Variants in ANKS1A observed in about 807,000 individuals in gnomAD.
ANKS1A encodes ankyrin repeat and SAM domain-containing protein 1A.
ANKS1A carries 55 observed loss-of-function variants against 120.3 expected under a neutral mutation model. The ratio of observed to expected loss-of-function variants is 0.46; its 90% CI spans 0.37 to 0.57. ANKS1A has a LOEUF of 0.57. ANKS1A is among the 20% of genes least tolerant of loss of function. The pLI, the probability that ANKS1A is intolerant of heterozygous loss-of-function variation, is 0.00. For synonymous variants in ANKS1A, 590 were observed against 604.7 expected (o/e 0.98, Z 0.36); for missense variants, 1,123 against 1,480.3 (o/e 0.76, Z 3.96).
chr6:34,967,767 C>A (rs1482506489), intron 2 of ANKS1A, among the ~76,000 whole-genome samples: 2 of 152,034 alleles, frequency 1.3e-5, no homozygotes, highest in Non-Finnish European at 2.9e-5. Context: ...AACGTAAGTT[C>A]AGTTCATTCA....
chr6:34,933,043 T>A (rs1769067988), intron 1 of ANKS1A, among the ~76,000 whole-genome samples: 1 of 152,232 alleles, frequency 6.6e-6, no homozygotes, highest in Non-Finnish European at 1.5e-5. Flanking sequence ...AAAGTGATTT[T>A]TGATTTGTCT....
intron 1 of ANKS1A, among the ~76,000 whole-genome samples, chr6:34,923,508 G>A (rs1011413322): frequency 2.0e-5 from 3 of 152,210 alleles, no homozygotes; most frequent in Non-Finnish European, 4.4e-5. Context: ...CCAGGTACAG[G>A]CAGAAGAGCA....
At chr6:35,025,376 G>A (rs570568296) in intron 11 of ANKS1A, among the ~76,000 whole-genome samples, 12 of 152,106 alleles carry the variant, frequency 7.9e-5, no homozygotes, top group Admixed American at 7.9e-4. Flanking sequence ...TTGTGAATGA[G>A]CGGGAGTTAG....
intron 13 of ANKS1A, among the ~76,000 whole-genome samples, chr6:35,061,968 G>A (rs1055313365): frequency 6.6e-6 from 1 of 152,240 alleles, no homozygotes; most frequent in Non-Finnish European, 1.5e-5. Flanking sequence ...CAAGATGCTA[G>A]AGGCTGAGCT....
chr6:35,015,587 G>T (rs950795181), intron 10 of ANKS1A, among the ~76,000 whole-genome samples: 2 of 152,156 alleles, frequency 1.3e-5, no homozygotes, highest in African/African-American at 4.8e-5. Flanking sequence ...CCATAAAGTG[G>T]AGCTAATTGG....
intron 13 of ANKS1A, among the ~76,000 whole-genome samples, chr6:35,067,895 T>G (rs1776860430): frequency 6.7e-6 from 1 of 149,760 alleles, no homozygotes; most frequent in East Asian, 2.0e-4. Flanking sequence ...AATTTTTTTT[T>G]TTTTTTTTTT....
chr6:34,956,544 C>G (rs1770375011), intron 1 of ANKS1A, among the ~76,000 whole-genome samples: 1 of 152,076 alleles, frequency 6.6e-6, no homozygotes, highest in African/African-American at 2.4e-5. Context: ...GGGATAGGAG[C>G]CCCTCCTGTT....
At chr6:34,900,660 G>T (rs1390069961) in intron 1 of ANKS1A, among the ~76,000 whole-genome samples, 1 of 152,148 alleles carries the variant, frequency 6.6e-6, no homozygotes, top group African/African-American at 2.4e-5. Flanking sequence ...AACACAGAGA[G>T]ATGAAGTAAC....
Position 34,981,634 on chromosome 6 carries a change from T to G in ANKS1A, c.436-56T>G, listed in dbSNP as rs535230754. 345 of 1,564,176 alleles carry G rather than the reference T, an allele frequency of 2.2e-4. 5 individuals carry two copies. The South Asian group carries it at 3.7e-3, about 17-fold the overall frequency. ...GTGGTTTTACGAGTGGTTGTCCCAG[T>G]CAGGTGCCTGTCTGCCAGTGACCTT... On this transcript the variant is annotated intron_variant, in intron 3 of 23. Coordinates refer to ENST00000360359, the MANE Select transcript of ANKS1A (RefSeq NM_015245.3).
At chr6:34,969,452 G>A (rs374592422) in intron 2 of ANKS1A, among the ~76,000 whole-genome samples, 7 of 151,974 alleles carry the variant, frequency 4.6e-5, no homozygotes, top group African/African-American at 1.7e-4. Flanking sequence ...ACGGGCTTTC[G>A]CCATGTTGGC....
intron 9 of ANKS1A, among the ~76,000 whole-genome samples, chr6:34,993,353 A>G (rs758064257): frequency 8.5e-5 from 13 of 152,214 alleles, no homozygotes; most frequent in Non-Finnish European, 1.0e-4. Context: ...TACCAAGACA[A>G]GCCGTGGCCA....
At chr6:34,999,740 A>C (rs1347300421) in intron 10 of ANKS1A, among the ~76,000 whole-genome samples, 1 of 152,168 alleles carries the variant, frequency 6.6e-6, no homozygotes, top group Non-Finnish European at 1.5e-5. Flanking sequence ...CTACATAGAC[A>C]GTTACAGCTG....
intron 11 of ANKS1A, among the ~76,000 whole-genome samples, chr6:35,040,089 C>T (rs1223473932): frequency 2.0e-5 from 3 of 152,320 alleles, no homozygotes; most frequent in African/African-American, 7.2e-5. Context: ...GTGAGGGCCT[C>T]AGCATATGAA....
intron 1 of ANKS1A, among the ~76,000 whole-genome samples, chr6:34,935,830 A>C (rs1185626446): frequency 6.6e-6 from 1 of 151,864 alleles, no homozygotes; most frequent in Admixed American, 6.6e-5. Context: ...TGGGAGGCCG[A>C]GGCGGGCGGA....
Position 35,075,819 on chromosome 6 carries a change from T to G in ANKS1A, c.2185-2739T>G, listed in dbSNP as rs1777324633. 2.6e-5 allele frequency among the ~76,000 whole-genome samples: 4 copies of G among 152,354 alleles called. No homozygotes were observed. The South Asian group carries it at 6.2e-4, about 24-fold the overall frequency. ...TGTTTGGAAACAGGCTGGACTGCAG[T>G]GGTGCAATCATGGCTCTCTGTAGCC... is the stretch of plus-strand genomic sequence containing the variant. On this transcript the variant is annotated intron_variant, in intron 13 of 23. Coordinates refer to ENST00000360359, the MANE Select transcript of ANKS1A (RefSeq NM_015245.3).
intron 1 of ANKS1A, among the ~76,000 whole-genome samples, chr6:34,966,531 A>G (rs1268821625): frequency 6.6e-6 from 1 of 152,200 alleles, no homozygotes; most frequent in East Asian, 1.9e-4. Context: ...AATGCAGTAA[A>G]GTTTGCAGAA....
intron 1 of ANKS1A, among the ~76,000 whole-genome samples, chr6:34,947,438 T>C (rs1394799604): frequency 1.3e-5 from 2 of 152,156 alleles, no homozygotes; most frequent in Non-Finnish European, 2.9e-5. Flanking sequence ...TGAGCCACCA[T>C]GCCCAGCCTA....
intron 1 of ANKS1A, among the ~76,000 whole-genome samples, chr6:34,922,584 G>GT (rs1768492913): frequency 6.6e-6 from 1 of 152,074 alleles, no homozygotes; most frequent in African/African-American, 2.4e-5. Flanking sequence ...TTATAGCTCT[G>GT]TGACTCATCC....
intron 9 of ANKS1A, among the ~76,000 whole-genome samples, chr6:34,989,988 A>C (rs1772420336): frequency 6.6e-6 from 1 of 152,226 alleles, no homozygotes; most frequent in South Asian, 2.1e-4. Flanking sequence ...TGCCATTAGA[A>C]TATATCTATG....
Sources: allele counts gnomAD v4.1 joint callset (sites outside exome capture counted in the v4.1 genomes callset), GRCh38; gene constraint gnomAD v4.1.1; transcripts MANE v1.5; gene names NCBI Gene and HGNC (gene_info 2026-07-23, HGNC 2026-07-21).